Variants in ZSWIM7 observed in about 807,000 individuals in gnomAD.
ZSWIM7 encodes zinc finger SWIM-type containing 7, also known as zinc finger SWIM domain-containing protein 7.
A neutral mutation model predicts 21.1 loss-of-function variants in ZSWIM7; 22 were observed. The ratio of observed to expected loss-of-function variants is 1.04; its 90% CI spans 0.74 to 1.49. The LOEUF is 1.49. Ranked by LOEUF, ZSWIM7 falls within the 40% of genes most tolerant of loss-of-function variation. The pLI is 0.00. For missense variants in ZSWIM7, 193 were observed against 168.0 expected (o/e 1.15, Z -0.82); for synonymous variants, 67 against 66.5 (o/e 1.01, Z -0.04).
At chr17:15,979,895 C>G (rs1970333254) in intron 4 of ZSWIM7, among the ~76,000 whole-genome samples, 1 of 34,802 alleles carries the variant, frequency 2.9e-5, no homozygotes, top group African/African-American at 2.9e-4. Flanking sequence ...CCACCTCCCT[C>G]CCGGACGGGG....
Position 15,999,512 on chromosome 17 carries a change from C to T in ZSWIM7, c.76+7G>A, listed in dbSNP as rs751944900. On this transcript the variant is annotated splice_region_variant and intron_variant, in intron 1 of 4. Coordinates refer to ENST00000399277, the MANE Select transcript of ZSWIM7 (RefSeq NM_001042697.2). ...TGGCGCAGCCACACACGACCTCGGT[C>T]CCGTACTTCGCGCGCTCTCCTGCAC... 20 of 1,598,866 alleles carry T rather than the reference C, an allele frequency of 1.3e-5. No individual in the cohort carries two copies. The highest frequency in any genetic ancestry group is 1.7e-5 in the Non-Finnish European group (20 of 1,178,022).
chr17:15,987,067 T>C (rs982332095), intron 3 of ZSWIM7, among the ~76,000 whole-genome samples, 199 bp downstream of exon 3: 2 of 152,214 alleles, frequency 1.3e-5, no homozygotes, highest in African/African-American at 2.4e-5. Flanking sequence ...TTATATACCA[T>C]GAATATAGAC....
chr17:15,997,388 T>C (rs1023239135), intron 1 of ZSWIM7, among the ~76,000 whole-genome samples: 2 of 152,054 alleles, frequency 1.3e-5, no homozygotes, highest in Non-Finnish European at 2.9e-5. Flanking sequence ...TGAGGGGAGA[T>C]TGAGAACACT....
chr17:15,991,046 T>G (rs998709389), intron 2 of ZSWIM7: 3 of 152,028 alleles, frequency 2.0e-5, no homozygotes, highest in Admixed American at 1.3e-4. Context: ...AGGCAGAGGC[T>G]GCAGTGAGTT....
At chr17:15,986,418 A>G (rs1003281257) in intron 3 of ZSWIM7, among the ~76,000 whole-genome samples, 3 of 152,230 alleles carry the variant, frequency 2.0e-5, no homozygotes, top group Admixed American at 6.5e-5. Flanking sequence ...AGCCAGGTAC[A>G]GAATGACAAA....
intron 1 of ZSWIM7, chr17:15,999,246 C>A (rs1329581103): frequency 1.7e-6 from 1 of 580,096 alleles, no homozygotes; most frequent in African/African-American, 1.9e-5. Flanking sequence ...CTCAGCACTT[C>A]GGTCCCCACT....
At chr17:15,998,350 T>G (rs766350339) in intron 1 of ZSWIM7, among the ~76,000 whole-genome samples, 5 of 152,224 alleles carry the variant, frequency 3.3e-5, no homozygotes, top group Admixed American at 6.5e-5. Flanking sequence ...TCCTTAATTT[T>G]GACTGAGATG....
chr17:15,995,733 T>C (rs1970545599), intron 1 of ZSWIM7, among the ~76,000 whole-genome samples: 1 of 151,914 alleles, frequency 6.6e-6, no homozygotes, highest in Non-Finnish European at 1.5e-5. Context: ...GTAACTTAAT[T>C]ACAGAAATAC....
intron 2 of ZSWIM7, among the ~76,000 whole-genome samples, chr17:15,987,771 C>T (rs553771513): frequency 6.6e-5 from 10 of 152,116 alleles, no homozygotes; most frequent in Non-Finnish European, 1.2e-4. Flanking sequence ...CCACCACACC[C>T]GGCTAATTTT....
intron 2 of ZSWIM7, among the ~76,000 whole-genome samples, chr17:15,992,439 CTTTT>C (rs11455913): frequency 1.6e-5 from 2 of 121,990 alleles, no homozygotes; most frequent in Non-Finnish European, 3.3e-5. Context: ...AACAGCTACG[CTTTT>C]TTTTTTTTTT....
intron 3 of ZSWIM7, among the ~76,000 whole-genome samples, chr17:15,983,687 A>G (rs1034304551): frequency 2.6e-5 from 4 of 152,092 alleles, no homozygotes; most frequent in African/African-American, 9.7e-5. Flanking sequence ...CCTGGGTTCA[A>G]GCCATTCTCC....
chr17:15,996,588 A>G (rs560059234), intron 1 of ZSWIM7, among the ~76,000 whole-genome samples: 1 of 152,090 alleles, frequency 6.6e-6, no homozygotes, highest in Non-Finnish European at 1.5e-5. Flanking sequence ...AAAGCCTCAA[A>G]AGGTACATCT....
At chr17:15,996,281 C>G (rs1970553605) in intron 1 of ZSWIM7, among the ~76,000 whole-genome samples, 1 of 151,546 alleles carries the variant, frequency 6.6e-6, no homozygotes, top group Non-Finnish European at 1.5e-5. Context: ...CCAGCCTGGG[C>G]AACAAGAGCG....
intron 2 of ZSWIM7, 117 bp from the exon 3 acceptor site, chr17:15,987,485 AGGAAAAT>A: frequency 1.2e-6 from 1 of 861,550 alleles, no homozygotes; most frequent in Non-Finnish European, 1.8e-6. Flanking sequence ...TTTTGAAAAA[AGGAAAAT>A]AATACAGCAA....
intron 1 of ZSWIM7, among the ~76,000 whole-genome samples, chr17:15,997,208 C>T (rs1597443759): frequency 2.0e-5 from 3 of 149,962 alleles, no homozygotes; most frequent in Admixed American, 2.0e-4. Context: ...GTAGGATATA[C>T]TAAACATAGG....
chr17:15,980,406 C>A (rs147151658), intron 4 of ZSWIM7: 19 of 152,338 alleles, frequency 1.2e-4, no homozygotes, highest in African/African-American at 3.9e-4. Flanking sequence ...CCAGCCAGGT[C>A]CCAAGATGTT....
intron 2 of ZSWIM7, among the ~76,000 whole-genome samples, chr17:15,989,210 T>G (rs897038750): frequency 1.3e-5 from 2 of 152,114 alleles, no homozygotes; most frequent in Non-Finnish European, 2.9e-5. Flanking sequence ...TGTGAGAAAA[T>G]TCTTATAATA....
intron 3 of ZSWIM7, among the ~76,000 whole-genome samples, chr17:15,982,251 C>G (rs1970364526): frequency 3.3e-5 from 5 of 152,130 alleles, no homozygotes; most frequent in Admixed American, 3.3e-4. Flanking sequence ...TTAAGTCTCT[C>G]TACCACCAAG....
intron 1 of ZSWIM7, among the ~76,000 whole-genome samples, chr17:15,994,456 G>A (rs1388076707): frequency 6.6e-6 from 1 of 152,120 alleles, no homozygotes; most frequent in Non-Finnish European, 1.5e-5. Flanking sequence ...AAACCCTAAC[G>A]AATTGGTGGC....
Sources: gnomAD v4.1 joint callset for allele counts (sites outside exome capture counted in the v4.1 genomes callset) on GRCh38, gnomAD v4.1.1 for gene constraint, MANE v1.5 for transcripts, NCBI Gene and HGNC (gene_info 2026-07-23, HGNC 2026-07-21) for gene names.